DHX32: variants seen among roughly 807,000 people sequenced by gnomAD.
DHX32 encodes putative pre-mRNA-splicing factor ATP-dependent RNA helicase DHX32.
DHX32 carries 51 observed loss-of-function variants against 70.0 expected under a neutral mutation model. The observed-to-expected ratio is 0.73, with a 90% CI of 0.58 to 0.92. The LOEUF (loss-of-function observed/expected upper bound fraction) is 0.92. Among genes scored for constraint, DHX32 ranks in the 40% least tolerant of loss-of-function variants. DHX32 has a pLI of 0.00. For synonymous variants in DHX32, 310 were observed against 315.3 expected (o/e 0.98, Z 0.18); for missense variants, 762 against 891.8 (o/e 0.85, Z 1.85).
intron 2 of DHX32, 109 bp from the exon 3 acceptor site, chr10:125,860,084 C>T (rs1944176899): frequency 9.3e-7 from 1 of 1,073,938 alleles, no homozygotes; most frequent in Non-Finnish European, 1.3e-6. Context: ...ATCAGTAACT[C>T]TAAATTTTTA....
chr10:125,879,198 A>AT (rs2134072246), intron 1 of DHX32, among the ~76,000 whole-genome samples: 1 of 150,342 alleles, frequency 6.7e-6, no homozygotes, highest in South Asian at 2.1e-4. Context: ...TAATTTTTTA[A>AT]TTTTTTATAA....
At chr10:125,879,903 C>G (rs1021012908) in intron 1 of DHX32, among the ~76,000 whole-genome samples, 2 of 152,198 alleles carry the variant, frequency 1.3e-5, no homozygotes, top group Non-Finnish European at 2.9e-5. Context: ...CTTGGTCTCC[C>G]AAAGTGCTGG....
chr10:125,852,746 G>T, intron 4 of DHX32, 104 bp from the exon 5 acceptor site: 1 of 1,010,654 alleles, frequency 9.9e-7, no homozygotes, highest in Non-Finnish European at 1.4e-6. Context: ...TCCATGAAAT[G>T]CACTGCCACA....
chr10:125,852,191 C>G (rs1229204222), intron 6 of DHX32, 102 bp downstream of exon 6: 2 of 1,413,674 alleles, frequency 1.4e-6, no homozygotes, highest in Non-Finnish European at 1.9e-6. Flanking sequence ...CCCCTCCATG[C>G]TTGTGTGCAT....
At chr10:125,852,779 T>C in intron 4 of DHX32, 137 bp from the exon 5 acceptor site, 2 of 765,960 alleles carry the variant, frequency 2.6e-6, no homozygotes, top group Non-Finnish European at 4.1e-6. Flanking sequence ...TTGCACGATA[T>C]TTATTATTGT....
chr10:125,884,430 A>G (rs1402127727), upstream of DHX32, among the ~76,000 whole-genome samples: 1 of 152,248 alleles, frequency 6.6e-6, no homozygotes, highest in African/African-American at 2.4e-5. Flanking sequence ...ATTCCACTAT[A>G]AGAAATTTAA....
chr10:125,852,716 T>C, intron 4 of DHX32, 74 bp from the exon 5 acceptor site: 2 of 1,337,110 alleles, frequency 1.5e-6, no homozygotes, highest in Non-Finnish European at 2.1e-6. Flanking sequence ...CTGAAGAGAA[T>C]ATGCTGCGCA....
At chr10:125,839,234 A>C in intron 8 of DHX32, 46 bp from the exon 9 acceptor site, 2 of 1,586,318 alleles carry the variant, frequency 1.3e-6, no homozygotes, top group Non-Finnish European at 1.7e-6. Context: ...ATTTGTCAGA[A>C]GCTCTGAAGA....
chr10:125,889,289 A>T (rs537862095), intron 1 of DHX32, among the ~76,000 whole-genome samples: 1 of 152,342 alleles, frequency 6.6e-6, no homozygotes, highest in South Asian at 2.1e-4. Flanking sequence ...AATAAGATAC[A>T]GGGCTGTGCA....
chr10:125,882,970 A>G (rs1000227523), upstream of DHX32, among the ~76,000 whole-genome samples: 5 of 152,300 alleles, frequency 3.3e-5, no homozygotes, highest in East Asian at 9.6e-4. Context: ...ATTATAACCA[A>G]TGATTGCCTT....
At chr10:125,860,082 C>A in intron 2 of DHX32, 107 bp from the exon 3 acceptor site, 1 of 1,098,128 alleles carries the variant, frequency 9.1e-7, no homozygotes. Context: ...AAATCAGTAA[C>A]TCTAAATTTT....
chr10:125,842,941 CTATA>C, intron 6 of DHX32: 1 of 298,398 alleles, frequency 3.4e-6, no homozygotes, highest in Non-Finnish European at 5.0e-6. Flanking sequence ...TGGAATAAGG[CTATA>C]TATAGATTGG....
intron 1 of DHX32, among the ~76,000 whole-genome samples, chr10:125,890,387 C>T (rs1944363453): frequency 6.6e-6 from 1 of 152,180 alleles, no homozygotes; most frequent in African/African-American, 2.4e-5. Flanking sequence ...AAAAATATAT[C>T]CTATTTGGTT....
chr10:125,853,893 G>T (rs1167729231), intron 4 of DHX32, 68 bp downstream of exon 4: 37 of 1,546,828 alleles, frequency 2.4e-5, no homozygotes, highest in Non-Finnish European at 3.1e-5. Flanking sequence ...CAGTAAAATG[G>T]TAGGAAACTG....
Position 125,891,276 on chromosome 10 carries a change from G to C in DHX32, c.-248+4942C>G, listed in dbSNP as rs573761666. 2.6e-5 allele frequency among the ~76,000 whole-genome samples: 4 copies of C among 152,300 alleles called. No individual in the cohort carries two copies. In the South Asian group the frequency reaches 8.3e-4, roughly 32 times the overall value. On this transcript the variant is annotated intron_variant, in intron 1 of 2. Transcript: ENST00000415732. ...ATAAAAGCTGAGATTTAAAGAACAG[G>C]TTACTGCTGGTCTCCCCAAGTTAAC...
intron 1 of DHX32, among the ~76,000 whole-genome samples, chr10:125,892,555 C>A (rs77639120): frequency 4.3e-3 from 599 of 138,662 alleles, no homozygotes; most frequent in African/African-American, 0.019. Context: ...CAATAAACCA[C>A]GGCTTAGTTG....
At chr10:125,884,791 T>G (rs1944333878), upstream of DHX32, among the ~76,000 whole-genome samples, 2 of 151,634 alleles carry the variant, frequency 1.3e-5, no homozygotes, top group South Asian at 4.2e-4. Flanking sequence ...TTTTGTGTGT[T>G]TTTTTTTTCT....
chr10:125,856,762 ATAGT>A (rs1944150506), intron 3 of DHX32, among the ~76,000 whole-genome samples: 1 of 152,066 alleles, frequency 6.6e-6, no homozygotes, highest in South Asian at 2.1e-4. Flanking sequence ...CCTGGGCAAC[ATAGT>A]TAGACCCCGT....
In DHX32 at chr10:125,839,109, G is replaced by C. The variant is rs753787098; in HGVS notation, c.1773C>G (p.Leu591=). ...LRMADVIRAE[L]LEIIKRIELP... is the part of the protein sequence containing the mutation. ...GCTCGATTCGCTTGATAATTTCTAAGAGTTCAGCTCGAATAACATCTGCCA... is the reference window on the plus strand; with the variant it reads ...GCTCGATTCGCTTGATAATTTCTAACAGTTCAGCTCGAATAACATCTGCCA... The change falls in exon 9 of 11, where the codon CTC becomes CTG. Residue 591 remains leucine, a synonymous_variant. Coordinates refer to ENST00000284690, the MANE Select transcript of DHX32 (RefSeq NM_018180.3). The C allele has an allele frequency of 6.8e-6, 11 of 1,614,116 alleles. No homozygotes were observed. The Admixed American group carries it at 1.8e-4, about 27-fold the overall frequency.
Sources: allele counts gnomAD v4.1 joint callset (sites outside exome capture counted in the v4.1 genomes callset), GRCh38; gene constraint gnomAD v4.1.1; transcripts MANE v1.5; gene names NCBI Gene and HGNC (gene_info 2026-07-23, HGNC 2026-07-21).